Variants in CTNNA3 observed in about 807,000 individuals in gnomAD.
CTNNA3 encodes catenin alpha-3.
In CTNNA3, 76 loss-of-function variants were observed where a neutral mutation model predicts 95.7. The observed-to-expected ratio is 0.79, with a 90% CI of 0.66 to 0.96. CTNNA3 has a LOEUF of 0.96. Ranked by LOEUF, CTNNA3 falls within the 40% of genes least tolerant of loss-of-function variation. The probability of loss-of-function intolerance (pLI) is 0.00; values close to 1 mark genes in which losing one functional copy is unlikely to be tolerated. For missense variants in CTNNA3, 1,191 were observed against 1,089.8 expected (o/e 1.09, Z -1.31); for synonymous variants, 431 against 374.4 (o/e 1.15, Z -1.74).
intron 12 of CTNNA3, among the ~76,000 whole-genome samples, chr10:66,281,203 A>G (rs897934615): frequency 9.9e-5 from 15 of 151,952 alleles, no homozygotes; most frequent in African/African-American, 3.6e-4. Flanking sequence ...TATGAAAACT[A>G]TCTTTAAAAT....
At chr10:66,634,951 T>C (rs535180863) in intron 9 of CTNNA3, among the ~76,000 whole-genome samples, 32 of 152,246 alleles carry the variant, frequency 2.1e-4, no homozygotes, top group African/African-American at 7.5e-4. Context: ...GTTACATAGC[T>C]CAAATTGAAG....
At chr10:66,897,221 TG>T (rs1845533085) in intron 7 of CTNNA3, among the ~76,000 whole-genome samples, 1 of 152,110 alleles carries the variant, frequency 6.6e-6, no homozygotes, top group South Asian at 2.1e-4. Context: ...ATATACAGTA[TG>T]CTACCTTTTA....
In CTNNA3 at chr10:67,505,528, C is replaced by A. The variant is rs148772211; in HGVS notation, c.579+16314G>T. Among the ~76,000 whole-genome samples, 1,128 of 152,182 alleles carry A rather than the reference C, an allele frequency of 7.4e-3. 64 individuals are homozygous for A. Among genetic ancestry groups the A allele is most frequent in the Admixed American group, 0.067 (1,024 of 15,282 alleles). ...GAACAATAGAGATAAATACCAACAT[C>A]AAAATGAGAGGGAGGAAACATTATA... is the stretch of plus-strand genomic sequence containing the variant. On this transcript the variant is annotated intron_variant, in intron 5 of 17. Transcript: ENST00000433211.
intron 5 of CTNNA3, among the ~76,000 whole-genome samples, chr10:67,397,036 A>G (rs1240880492): frequency 6.6e-6 from 1 of 152,172 alleles, no homozygotes; most frequent in African/African-American, 2.4e-5. Context: ...TATTACCAGC[A>G]TGAGAATGGA....
chr10:66,714,975 G>C (rs1335279924), intron 9 of CTNNA3, among the ~76,000 whole-genome samples: 1 of 151,922 alleles, frequency 6.6e-6, no homozygotes, highest in Non-Finnish European at 1.5e-5. Flanking sequence ...CAGTGTTTTA[G>C]TCATATAAAT....
At chr10:66,385,247 G>A (rs9415842) in intron 11 of CTNNA3, among the ~76,000 whole-genome samples, 17,745 of 152,038 alleles carry the variant, frequency 0.12, 1,632 homozygotes, top group African/African-American at 0.26. Context: ...AATAAAAATT[G>A]ATAAAGGGGA....
At chr10:66,905,028 C>A (rs949077709) in intron 7 of CTNNA3, among the ~76,000 whole-genome samples, 1 of 152,128 alleles carries the variant, frequency 6.6e-6, no homozygotes, top group Non-Finnish European at 1.5e-5. Flanking sequence ...TGGGTATATA[C>A]CCAAAGGATT....
chr10:67,362,441 C>T (rs1843023219), intron 5 of CTNNA3, among the ~76,000 whole-genome samples: 1 of 152,098 alleles, frequency 6.6e-6, no homozygotes, highest in Non-Finnish European at 1.5e-5. Context: ...AAGTGAGCTT[C>T]ACTCCAATAA....
chr10:66,223,251 C>A (rs1000614506), intron 13 of CTNNA3, among the ~76,000 whole-genome samples: 1 of 151,662 alleles, frequency 6.6e-6, no homozygotes, highest in African/African-American at 2.4e-5. Context: ...AAGAATAATG[C>A]CAAGCAGGAG....
At chr10:66,872,811 C>A (rs936356782) in intron 7 of CTNNA3, among the ~76,000 whole-genome samples, 2 of 151,942 alleles carry the variant, frequency 1.3e-5, no homozygotes, top group Non-Finnish European at 2.9e-5. Flanking sequence ...TGAGCATAGT[C>A]CCCATAGGTA....
chr10:66,281,585 A>T (rs2091492365), intron 12 of CTNNA3, among the ~76,000 whole-genome samples: 1 of 151,938 alleles, frequency 6.6e-6, no homozygotes, highest in South Asian at 2.1e-4. Context: ...TATCATAGTG[A>T]GGAAGCCTCT....
chr10:67,243,276 C>A (rs1342987847), intron 5 of CTNNA3, among the ~76,000 whole-genome samples: 1 of 152,078 alleles, frequency 6.6e-6, no homozygotes, highest in African/African-American at 2.4e-5. Flanking sequence ...ACCCCCCCAA[C>A]CCCCACCATT....
intron 7 of CTNNA3, among the ~76,000 whole-genome samples, chr10:66,885,653 G>A (rs1845015111): frequency 6.6e-6 from 1 of 152,014 alleles, no homozygotes; most frequent in South Asian, 2.1e-4. Flanking sequence ...TACCAGCTGG[G>A]TGGCAAGTCT....
chr10:66,121,794 C>G (rs907268050), intron 13 of CTNNA3, among the ~76,000 whole-genome samples: 3 of 152,096 alleles, frequency 2.0e-5, no homozygotes, highest in African/African-American at 4.8e-5. Flanking sequence ...TAAGACCACA[C>G]CACTGCACTC....
At chr10:66,486,990 A>T (rs1175357620) in intron 11 of CTNNA3, among the ~76,000 whole-genome samples, 11 of 152,096 alleles carry the variant, frequency 7.2e-5, no homozygotes, top group Non-Finnish European at 1.5e-4. Context: ...CATGGAATCT[A>T]AAAAAGTCTA....
chr10:67,017,116 T>C (rs1247625684), intron 7 of CTNNA3, among the ~76,000 whole-genome samples: 1 of 152,200 alleles, frequency 6.6e-6, no homozygotes, highest in African/African-American at 2.4e-5. Context: ...ATAAAATAGA[T>C]GTAACAATAA....
intron 14 of CTNNA3, among the ~76,000 whole-genome samples, chr10:66,099,300 G>A (rs915726954): frequency 6.6e-6 from 1 of 152,164 alleles, no homozygotes; most frequent in Middle Eastern, 3.2e-3. Flanking sequence ...CTCAAAGTGA[G>A]AGTGTGTGTG....
At chr10:67,258,688 G>A (rs1866459251) in intron 5 of CTNNA3, among the ~76,000 whole-genome samples, 1 of 151,966 alleles carries the variant, frequency 6.6e-6, no homozygotes, top group Admixed American at 6.6e-5. Flanking sequence ...AAGCCCCAAA[G>A]GTTGAATGAA....
At chr10:67,077,557 T>C (rs1400685924) in intron 7 of CTNNA3, among the ~76,000 whole-genome samples, 4 of 152,118 alleles carry the variant, frequency 2.6e-5, no homozygotes, top group Non-Finnish European at 2.9e-5. Context: ...TTCCTCCCAC[T>C]TTCTACTTGA....
Sources: gnomAD v4.1 joint callset for allele counts (sites outside exome capture counted in the v4.1 genomes callset) on GRCh38, gnomAD v4.1.1 for gene constraint, MANE v1.5 for transcripts, NCBI Gene and HGNC (gene_info 2026-07-23, HGNC 2026-07-21) for gene names.